LPP: variants seen among roughly 807,000 people sequenced by gnomAD.
LPP encodes lipoma-preferred partner.
LPP carries 38 observed loss-of-function variants against 60.4 expected under a neutral mutation model. The observed-to-expected ratio is 0.63, with a 90% CI of 0.49 to 0.83. The LOEUF (loss-of-function observed/expected upper bound fraction) is 0.83. Among genes scored for constraint, LPP ranks in the 40% least tolerant of loss-of-function variants. The pLI is 0.00. For synonymous variants in LPP, 328 were observed against 290.8 expected (o/e 1.13, Z -1.30); for missense variants, 902 against 783.6 (o/e 1.15, Z -1.80).
chr3:188,310,634 C>T (rs1394400385), intron 2 of LPP, among the ~76,000 whole-genome samples: 2 of 152,168 alleles, frequency 1.3e-5, no homozygotes, highest in Non-Finnish European at 1.5e-5. Flanking sequence ...ATGGCCTCCA[C>T]TGTGAAATAT....
At chr3:188,669,377 C>A (rs1249810506) in intron 7 of LPP, among the ~76,000 whole-genome samples, 1 of 152,034 alleles carries the variant, frequency 6.6e-6, no homozygotes, top group Non-Finnish European at 1.5e-5. Flanking sequence ...GAGATCGAGA[C>A]CATCCTGACT....
chr3:188,683,688 A>T (rs1172783625), intron 7 of LPP, among the ~76,000 whole-genome samples: 2 of 152,212 alleles, frequency 1.3e-5, no homozygotes, highest in Admixed American at 1.3e-4. Context: ...GTTAAAAAAT[A>T]AGTTTATGAA....
chr3:188,342,741 A>T (rs535192483), intron 3 of LPP, among the ~76,000 whole-genome samples: 1 of 152,294 alleles, frequency 6.6e-6, no homozygotes, highest in East Asian at 1.9e-4. Context: ...AGGACTTAGA[A>T]AATTTAGAAT....
chr3:188,645,990 T>G (rs1851042524), intron 7 of LPP, among the ~76,000 whole-genome samples: 2 of 152,304 alleles, frequency 1.3e-5, no homozygotes, highest in Middle Eastern at 3.4e-3. Context: ...AGACTTGGCT[T>G]TCAGTTTTCC....
chr3:188,452,335 T>C (rs529046986), intron 4 of LPP, among the ~76,000 whole-genome samples: 1 of 152,188 alleles, frequency 6.6e-6, no homozygotes, highest in Admixed American at 6.5e-5. Flanking sequence ...TGATAGCGTG[T>C]GGGCTCTGAG....
At chr3:188,805,157 T>A (rs1748697222) in intron 9 of LPP, among the ~76,000 whole-genome samples, 1 of 152,066 alleles carries the variant, frequency 6.6e-6, no homozygotes, top group African/African-American at 2.4e-5. Flanking sequence ...TGTGGTTTTC[T>A]TTTTTGGTAA....
chr3:188,704,282 C>G (rs1253414625), intron 7 of LPP, among the ~76,000 whole-genome samples: 1 of 152,056 alleles, frequency 6.6e-6, no homozygotes, highest in African/African-American at 2.4e-5. Context: ...TTGAGAGATT[C>G]AAAGAGATCC....
chr3:188,318,934 A>G (rs1162532553), intron 2 of LPP, among the ~76,000 whole-genome samples: 7 of 150,322 alleles, frequency 4.7e-5, no homozygotes, highest in African/African-American at 1.7e-4. Context: ...AATTTTTTGT[A>G]TTTTTAGTAG....
chr3:188,179,163 A>T, intron 1 of LPP: 1 of 427,650 alleles, frequency 2.3e-6, no homozygotes, highest in Non-Finnish European at 4.7e-6. Context: ...CCCGGCCCCC[A>T]TTCCCTATTA....
intron 9 of LPP, among the ~76,000 whole-genome samples, chr3:188,781,579 C>T (rs1739675439): frequency 6.6e-6 from 1 of 151,802 alleles, no homozygotes. Context: ...AAGGAAAAGC[C>T]CTTTATAAAA....
intron 2 of LPP, among the ~76,000 whole-genome samples, chr3:188,266,169 C>T (rs1287122156): frequency 6.6e-6 from 1 of 151,956 alleles, no homozygotes; most frequent in Non-Finnish European, 1.5e-5. Context: ...TTCTATATCA[C>T]CACCCTCACC....
intron 9 of LPP, among the ~76,000 whole-genome samples, chr3:188,862,303 G>A (rs1248182175): frequency 6.6e-6 from 1 of 152,154 alleles, no homozygotes; most frequent in Non-Finnish European, 1.5e-5. Flanking sequence ...AGTCATAGAG[G>A]TTGACATAAA....
chr3:188,759,362 A>G (rs1277499439), intron 8 of LPP: 1 of 152,240 alleles, frequency 6.6e-6, no homozygotes, highest in Non-Finnish European at 1.5e-5. Context: ...ACCCTACAGT[A>G]TATGAAACTA....
Position 188,888,926 on chromosome 3 carries a change from G to A in LPP, c.*14447G>A. 1 of 219,016 alleles carries A rather than the reference G, an allele frequency of 4.6e-6. No homozygotes were observed. Among genetic ancestry groups the A allele is most frequent in the East Asian group, 6.7e-5 (1 of 14,956 alleles). 13.6% of individuals were successfully genotyped at this position (219,016 alleles called of 1,614,324 possible). On this transcript the variant is annotated 3_prime_UTR_variant, in exon 12 of 12. Coordinates refer to ENST00000617246, the MANE Select transcript of LPP (RefSeq NM_001375462.1). ...TGTACTCTGCTTCAAGGGAATGTAAGCTTTATGGCATTGAAACATTTAGGG... is the reference window on the plus strand; with the variant it reads ...TGTACTCTGCTTCAAGGGAATGTAAACTTTATGGCATTGAAACATTTAGGG...
At chr3:188,540,637 A>G (rs1405256521) in intron 6 of LPP, among the ~76,000 whole-genome samples, 5 of 152,328 alleles carry the variant, frequency 3.3e-5, no homozygotes, top group Non-Finnish European at 7.3e-5. Context: ...CCATTATAGT[A>G]TCTATCTCCC....
intron 7 of LPP, among the ~76,000 whole-genome samples, chr3:188,669,306 A>G (rs758897457): frequency 3.9e-5 from 6 of 152,136 alleles, no homozygotes; most frequent in Non-Finnish European, 7.4e-5. Flanking sequence ...GCCGGGCATG[A>G]TGGCTCACAC....
chr3:188,584,599 A>G (rs970074744), intron 6 of LPP: 1 of 150,434 alleles, frequency 6.6e-6, no homozygotes, highest in African/African-American at 2.5e-5. Flanking sequence ...CCATGACTTA[A>G]TACAATCTCA....
intron 6 of LPP, among the ~76,000 whole-genome samples, chr3:188,551,100 C>T (rs189496053): frequency 2.2e-3 from 342 of 152,236 alleles, no homozygotes; most frequent in Middle Eastern, 0.017. Context: ...TCCATTTTCA[C>T]ACCGCTGATA....
chr3:188,339,713 T>C (rs1762550734), intron 2 of LPP, among the ~76,000 whole-genome samples: 1 of 152,184 alleles, frequency 6.6e-6, no homozygotes, highest in African/African-American at 2.4e-5. Flanking sequence ...GTATCACCCT[T>C]GACTCATGGG....
Sources: allele counts gnomAD v4.1 joint callset (sites outside exome capture counted in the v4.1 genomes callset), GRCh38; gene constraint gnomAD v4.1.1; transcripts MANE v1.5; gene names NCBI Gene and HGNC (gene_info 2026-07-23, HGNC 2026-07-21).